NRF1: variants seen among roughly 807,000 people sequenced by gnomAD.
NRF1 encodes alpha palindromic-binding protein.
Under a neutral mutation model 58.5 loss-of-function variants are expected in NRF1, and 5 were observed. The ratio of observed to expected loss-of-function variants is 0.09; its 90% CI spans 0.04 to 0.18. NRF1 has a LOEUF of 0.18. Among genes scored for constraint, NRF1 ranks in the 10% least tolerant of loss-of-function variants. The pLI is 1.00. For missense variants in NRF1, 288 were observed against 657.7 expected, an observed-to-expected ratio of 0.44 and a Z score of 6.15; for synonymous variants, 224 against 246.7, an observed-to-expected ratio of 0.91 and a Z score of 0.86.
At chr7:129,726,944 T>C (rs900023059) in intron 9 of NRF1, among the ~76,000 whole-genome samples, 1 of 152,196 alleles carries the variant, frequency 6.6e-6, no homozygotes, top group African/African-American at 2.4e-5. Flanking sequence ...CTGATATTGA[T>C]AAGGAAGAAA....
chr7:129,700,944 A>G (rs901092005), intron 5 of NRF1, among the ~76,000 whole-genome samples: 1 of 152,172 alleles, frequency 6.6e-6, no homozygotes, highest in Non-Finnish European at 1.5e-5. Flanking sequence ...AAGAGAGAAT[A>G]TATACGTAAC....
At chr7:129,623,702 C>A (rs919608981) in intron 1 of NRF1, among the ~76,000 whole-genome samples, 2 of 152,014 alleles carry the variant, frequency 1.3e-5, no homozygotes, top group African/African-American at 4.8e-5. Context: ...TAGGGTAAAT[C>A]ATTTCTTAGT....
chr7:129,694,977 T>C (rs1198435141), intron 5 of NRF1, among the ~76,000 whole-genome samples: 4 of 152,242 alleles, frequency 2.6e-5, no homozygotes, highest in Non-Finnish European at 5.9e-5. Flanking sequence ...AGAATTTATA[T>C]AGGAAGACGA....
chr7:129,614,686 A>G (rs1445328214), intron 1 of NRF1, among the ~76,000 whole-genome samples: 3 of 152,056 alleles, frequency 2.0e-5, no homozygotes, highest in African/African-American at 7.2e-5. Flanking sequence ...AGTAGAAGAT[A>G]ATGAGGGCCC....
At chr7:129,696,722 C>G (rs1225914468) in intron 5 of NRF1, among the ~76,000 whole-genome samples, 1 of 152,168 alleles carries the variant, frequency 6.6e-6, no homozygotes, top group Admixed American at 6.5e-5. Context: ...ATGACCCTAA[C>G]TTAGAAATCT....
At chr7:129,722,357 C>T (rs1803347275) in intron 9 of NRF1, among the ~76,000 whole-genome samples, 1 of 151,482 alleles carries the variant, frequency 6.6e-6, no homozygotes. Context: ...CACCAGTGCA[C>T]TCCAGCCTGG....
intron 10 of NRF1, among the ~76,000 whole-genome samples, chr7:129,753,828 TAAATA>T (rs1482473995): frequency 2.0e-5 from 3 of 151,826 alleles, no homozygotes; most frequent in South Asian, 2.1e-4. Context: ...AATAAATAAA[TAAATA>T]AAATAAGCTT....
chr7:129,613,381 T>G (rs1009101150), intron 1 of NRF1, among the ~76,000 whole-genome samples: 1 of 152,124 alleles, frequency 6.6e-6, no homozygotes, highest in Non-Finnish European at 1.5e-5. Context: ...CGTAAGACAG[T>G]GAAAATATGA....
intron 10 of NRF1, among the ~76,000 whole-genome samples, chr7:129,729,543 A>G (rs373818831): frequency 2.0e-5 from 3 of 152,246 alleles, no homozygotes; most frequent in Non-Finnish European, 4.4e-5. Context: ...TTCTGTATCA[A>G]ATCAGACCCT....
intron 10 of NRF1, among the ~76,000 whole-genome samples, chr7:129,749,272 G>C (rs2116319933): frequency 6.6e-6 from 1 of 152,306 alleles, no homozygotes; most frequent in South Asian, 2.1e-4. Flanking sequence ...TTCTGTATTT[G>C]AAGGGAGAGA....
At chr7:129,695,008 T>G (rs1440245785) in intron 5 of NRF1, among the ~76,000 whole-genome samples, 2 of 152,208 alleles carry the variant, frequency 1.3e-5, no homozygotes, top group Non-Finnish European at 2.9e-5. Flanking sequence ...CCAAAAGAGA[T>G]GATTCCGTGA....
Position 129,671,551 on chromosome 7 carries a change from C to G in NRF1, c.338+8C>G. 1 of 1,391,690 alleles carries G rather than the reference C, an allele frequency of 7.2e-7. No homozygotes were observed. Among genetic ancestry groups the G allele is most frequent in the Non-Finnish European group, 1.0e-6 (1 of 977,112 alleles). The allele number at this position is 1,391,690 out of a possible 1,614,324, so 86.2% of individuals were successfully genotyped here. ...ACAAACACGTTTGCTTCGGTGAGGG[C>G]TCCCTTATCCATATTGTTACTATTC... On this transcript the variant is annotated splice_region_variant and intron_variant, in intron 3 of 10. Coordinates refer to ENST00000393232, the MANE Select transcript of NRF1 (RefSeq NM_005011.5).
chr7:129,625,347 A>G (rs528423226), intron 1 of NRF1, among the ~76,000 whole-genome samples: 8 of 152,234 alleles, frequency 5.3e-5, no homozygotes, highest in Non-Finnish European at 1.2e-4. Flanking sequence ...AATGGTAAGC[A>G]TGTGAACATA....
chr7:129,681,344 G>A (rs1041097276), intron 4 of NRF1, among the ~76,000 whole-genome samples: 9 of 152,182 alleles, frequency 5.9e-5, no homozygotes, highest in African/African-American at 2.2e-4. Flanking sequence ...CCCAGTTTGT[G>A]GTGATTTGTG....
At chr7:129,644,999 A>G (rs1031165777) in intron 1 of NRF1, among the ~76,000 whole-genome samples, 1 of 151,830 alleles carries the variant, frequency 6.6e-6, no homozygotes, top group African/African-American at 2.4e-5. Flanking sequence ...AGGTATTTGT[A>G]TGGTCAAAAT....
intron 2 of NRF1, among the ~76,000 whole-genome samples, chr7:129,658,912 T>C (rs1801721165): frequency 6.6e-6 from 1 of 152,092 alleles, no homozygotes; most frequent in Non-Finnish European, 1.5e-5. Context: ...GGTATTATAA[T>C]ATTAGTATTA....
At chr7:129,687,865 G>T (rs79987037) in intron 4 of NRF1, among the ~76,000 whole-genome samples, 6,475 of 152,288 alleles carry the variant, frequency 0.043, 167 homozygotes, top group Middle Eastern at 0.12. Flanking sequence ...TTCTGAGAAG[G>T]TTACTTAACT....
intron 4 of NRF1, among the ~76,000 whole-genome samples, chr7:129,679,170 C>T (rs1802248820): frequency 6.6e-6 from 1 of 152,048 alleles, no homozygotes; most frequent in Non-Finnish European, 1.5e-5. Flanking sequence ...TGTTATAAAC[C>T]ATACATATAA....
intron 5 of NRF1, among the ~76,000 whole-genome samples, chr7:129,699,913 G>A (rs1387783860): frequency 4.0e-5 from 6 of 151,484 alleles, no homozygotes; most frequent in African/African-American, 1.5e-4. Context: ...GCCAAGGCGG[G>A]CAGATCACGA....
Sources: allele counts gnomAD v4.1 joint callset (sites outside exome capture counted in the v4.1 genomes callset), GRCh38; gene constraint gnomAD v4.1.1; transcripts MANE v1.5; gene names NCBI Gene and HGNC (gene_info 2026-07-23, HGNC 2026-07-21).